RBMS3: variants seen among roughly 807,000 people sequenced by gnomAD.
RBMS3 encodes the protein RNA binding motif single stranded interacting protein 3, also known as RNA-binding motif, single-stranded-interacting protein 3.
Under a neutral mutation model 66.8 loss-of-function variants are expected in RBMS3, and 27 were observed. The ratio of observed to expected loss-of-function variants is 0.40; its 90% CI spans 0.30 to 0.56. The LOEUF is 0.56. Ranked by LOEUF, RBMS3 falls within the 20% of genes least tolerant of loss-of-function variation. The pLI is 0.40. For missense variants in RBMS3, 513 were observed against 549.5 expected (o/e 0.93, Z 0.66); for synonymous variants, 188 against 183.0 (o/e 1.03, Z -0.22).
chr3:29,722,727 T>C (rs2053694814), intron 4 of RBMS3, among the ~76,000 whole-genome samples: 1 of 152,126 alleles, frequency 6.6e-6, no homozygotes, highest in African/African-American at 2.4e-5. Flanking sequence ...ATCTATGGGA[T>C]GTTTTTCTAT....
intron 12 of RBMS3, among the ~76,000 whole-genome samples, chr3:29,957,664 T>C (rs572937783): frequency 5.3e-5 from 8 of 152,270 alleles, no homozygotes; most frequent in African/African-American, 1.9e-4. Context: ...CCTTCAGCAA[T>C]GTTGCTTATC....
chr3:29,303,139 C>G (rs1230434649), intron 1 of RBMS3, among the ~76,000 whole-genome samples: 1 of 152,008 alleles, frequency 6.6e-6, no homozygotes, highest in Non-Finnish European at 1.5e-5. Context: ...CTTTTCTGAG[C>G]ACTTTACCTG....
chr3:29,885,231 A>G (rs1213460615), intron 8 of RBMS3, among the ~76,000 whole-genome samples: 2 of 151,942 alleles, frequency 1.3e-5, no homozygotes, highest in Non-Finnish European at 2.9e-5. Context: ...CTCGTCCATG[A>G]AAAAGTAAAC....
rs114283936 is a variant in RBMS3, at chr3:29,953,408, C to G, written c.1098+9154C>G. ...TTGTCTGAAAATTGTTGATAATCTT[C>G]GAAAATTGTTTAGTTGGGAATGCTA... On this transcript the variant is annotated intron_variant, in intron 12 of 14. Coordinates refer to ENST00000383767, the MANE Select transcript of RBMS3 (RefSeq NM_001003793.3). Among the ~76,000 whole-genome samples the G allele has an allele frequency of 2.0e-3, 302 of 151,926 alleles. 1 individual carries two copies. The highest frequency in any genetic ancestry group is 6.9e-3 in the African/African-American group (286 of 41,482).
intron 1 of RBMS3, among the ~76,000 whole-genome samples, chr3:29,333,959 G>A (rs1292465178): frequency 6.6e-6 from 1 of 152,126 alleles, no homozygotes; most frequent in Middle Eastern, 3.2e-3. Flanking sequence ...CATAATTAGA[G>A]AGATCTAGAC....
intron 6 of RBMS3, among the ~76,000 whole-genome samples, chr3:29,863,721 A>G (rs1241111824): frequency 2.6e-5 from 4 of 152,164 alleles, no homozygotes; most frequent in Admixed American, 2.6e-4. Context: ...AGTGTTAAAA[A>G]CAACTATTTG....
At chr3:29,664,815 C>G (rs1332408893) in intron 4 of RBMS3, among the ~76,000 whole-genome samples, 1 of 152,018 alleles carries the variant, frequency 6.6e-6, no homozygotes, top group Non-Finnish European at 1.5e-5. Flanking sequence ...TAGGACACTT[C>G]TAGGTAAATG....
At chr3:29,498,744 A>G (rs1051830592) in intron 3 of RBMS3, among the ~76,000 whole-genome samples, 1 of 152,212 alleles carries the variant, frequency 6.6e-6, no homozygotes, top group South Asian at 2.1e-4. Context: ...CCGGGCACAT[A>G]CATCAGGCAA....
chr3:29,778,548 C>T (rs2056506995), intron 6 of RBMS3, among the ~76,000 whole-genome samples: 1 of 151,676 alleles, frequency 6.6e-6, no homozygotes, highest in African/African-American at 2.4e-5. Flanking sequence ...GAAACTGTTC[C>T]ATCTTGCAGA....
chr3:29,594,879 T>C (rs955594380), intron 4 of RBMS3, among the ~76,000 whole-genome samples: 10 of 152,346 alleles, frequency 6.6e-5, no homozygotes, highest in African/African-American at 2.2e-4. Flanking sequence ...ATGATTTCCA[T>C]AATCTGCCTG....
intron 1 of RBMS3, among the ~76,000 whole-genome samples, chr3:29,292,209 C>T (rs2032873876): frequency 6.6e-6 from 1 of 151,684 alleles, no homozygotes; most frequent in African/African-American, 2.4e-5. Context: ...CATAAAACAA[C>T]AACACACACG....
chr3:29,789,895 A>G (rs1011989418), intron 6 of RBMS3, among the ~76,000 whole-genome samples: 1 of 152,208 alleles, frequency 6.6e-6, no homozygotes, highest in Non-Finnish European at 1.5e-5. Context: ...GCCATTTCAA[A>G]TTATAGCCAG....
At chr3:29,950,251 G>A (rs963736474) in intron 12 of RBMS3, among the ~76,000 whole-genome samples, 8 of 151,834 alleles carry the variant, frequency 5.3e-5, no homozygotes, top group African/African-American at 1.9e-4. Flanking sequence ...TCAAAAGGCA[G>A]CCTCTCAAAA....
intron 10 of RBMS3, among the ~76,000 whole-genome samples, chr3:29,923,057 C>T (rs937837943): frequency 6.6e-6 from 1 of 152,200 alleles, no homozygotes; most frequent in South Asian, 2.1e-4. Context: ...GGATTACCTC[C>T]ATTGGCTAAC....
At chr3:29,283,968 G>C (rs2032042123) in intron 1 of RBMS3, among the ~76,000 whole-genome samples, 1 of 152,084 alleles carries the variant, frequency 6.6e-6, no homozygotes. Context: ...TTTTCTGACA[G>C]GGTTAATACT....
At chr3:29,759,422 G>T (rs3773108) in intron 5 of RBMS3, among the ~76,000 whole-genome samples, 73,341 of 151,942 alleles carry the variant, frequency 0.48, 18,426 homozygotes, top group African/African-American at 0.62. Flanking sequence ...TGAATGGTTG[G>T]CCTGGCACTC....
chr3:29,932,896 T>C (rs1043301017), intron 10 of RBMS3, among the ~76,000 whole-genome samples: 1 of 152,162 alleles, frequency 6.6e-6, no homozygotes, highest in Non-Finnish European at 1.5e-5. Context: ...AGATCCACCC[T>C]TTGTCTCTTG....
chr3:29,861,272 T>G (rs1374919623), intron 6 of RBMS3, among the ~76,000 whole-genome samples: 1 of 152,224 alleles, frequency 6.6e-6, no homozygotes, highest in East Asian at 1.9e-4. Flanking sequence ...AAACTCACCT[T>G]GAATAAACTG....
chr3:29,581,993 G>A (rs1261032469), intron 3 of RBMS3, among the ~76,000 whole-genome samples: 2 of 152,154 alleles, frequency 1.3e-5, no homozygotes, highest in African/African-American at 4.8e-5. Flanking sequence ...ATAAGCTTTT[G>A]AAGATGGTAA....
Sources: gnomAD v4.1 joint callset for allele counts (sites outside exome capture counted in the v4.1 genomes callset) on GRCh38, gnomAD v4.1.1 for gene constraint, MANE v1.5 for transcripts, NCBI Gene and HGNC (gene_info 2026-07-23, HGNC 2026-07-21) for gene names.